Variants in ADAMTSL1 observed in about 807,000 individuals in gnomAD.
ADAMTSL1 encodes ADAMTS like 1, also known as ADAMTS-like protein 1.
ADAMTSL1 carries 126 observed loss-of-function variants against 201.8 expected under a neutral mutation model. That is an observed-to-expected ratio of 0.62 (90% CI 0.54 to 0.72). The LOEUF (loss-of-function observed/expected upper bound fraction) is 0.72, where lower values mean the gene tolerates loss of function less well. Among genes scored for constraint, ADAMTSL1 ranks in the 30% least tolerant of loss-of-function variants. ADAMTSL1 has a pLI of 0.00. For synonymous variants in ADAMTSL1, 1,121 were observed against 903.4 expected (o/e 1.24, Z -4.32); for missense variants, 2,679 against 2,277.8 (o/e 1.18, Z -3.59).
intron 2 of ADAMTSL1, among the ~76,000 whole-genome samples, chr9:18,466,704 T>C (rs189314809): frequency 6.6e-6 from 1 of 152,240 alleles, no homozygotes; most frequent in East Asian, 1.9e-4. Context: ...TTTTTATATT[T>C]ATTTCATAGA....
intron 21 of ADAMTSL1, among the ~76,000 whole-genome samples, chr9:18,825,030 G>T (rs904151111): frequency 2.6e-5 from 4 of 152,096 alleles, no homozygotes; most frequent in African/African-American, 9.7e-5. Context: ...CTGGATACAT[G>T]CCAGTGAGTT....
chr9:17,929,704 T>C (rs1826701126), intron 1 of ADAMTSL1, among the ~76,000 whole-genome samples: 1 of 152,230 alleles, frequency 6.6e-6, no homozygotes, highest in African/African-American at 2.4e-5. Context: ...AATTACTTTA[T>C]GTTCATCTGT....
intron 4 of ADAMTSL1, among the ~76,000 whole-genome samples, chr9:18,617,735 T>C (rs568530834): frequency 6.6e-6 from 1 of 152,240 alleles, no homozygotes; most frequent in African/African-American, 2.4e-5. Context: ...ATGAAAACAC[T>C]ATTAATTTGG....
chr9:18,535,940 G>A (rs1819745045), intron 3 of ADAMTSL1, among the ~76,000 whole-genome samples: 1 of 151,866 alleles, frequency 6.6e-6, no homozygotes, highest in Non-Finnish European at 1.5e-5. Context: ...ATTTGGGTGG[G>A]GACACAGCCA....
chr9:18,267,981 AT>A (rs1380195668), intron 2 of ADAMTSL1, among the ~76,000 whole-genome samples: 5 of 152,188 alleles, frequency 3.3e-5, no homozygotes, highest in African/African-American at 1.2e-4. Flanking sequence ...TAAGGTACAG[AT>A]TTAAAAAATT....
At chr9:18,901,301 G>A (rs1390717548) in intron 26 of ADAMTSL1, among the ~76,000 whole-genome samples, 2 of 152,150 alleles carry the variant, frequency 1.3e-5, no homozygotes, top group Non-Finnish European at 2.9e-5. Context: ...ATTAAATGGA[G>A]TCCTTTGAGT....
At chr9:18,906,067 G>C (rs530295172) in intron 27 of ADAMTSL1, among the ~76,000 whole-genome samples, 176 bp downstream of exon 27, 11 of 152,310 alleles carry the variant, frequency 7.2e-5, no homozygotes, top group Middle Eastern at 3.4e-3. Context: ...CTCAGTGTCG[G>C]TCTTGTGCTT....
chr9:18,598,563 G>A (rs1482789108), intron 4 of ADAMTSL1, among the ~76,000 whole-genome samples: 1 of 151,756 alleles, frequency 6.6e-6, no homozygotes, highest in Non-Finnish European at 1.5e-5. Context: ...CCTCCCTTGT[G>A]GCCAGATGAT....
chr9:18,318,740 A>G (rs1307429843), intron 2 of ADAMTSL1, among the ~76,000 whole-genome samples: 3 of 151,422 alleles, frequency 2.0e-5, no homozygotes, highest in Admixed American at 6.6e-5. Flanking sequence ...TTTTTCAAAT[A>G]TGGTTTTAGG....
intron 1 of ADAMTSL1, among the ~76,000 whole-genome samples, chr9:18,096,132 C>A (rs1478360220): frequency 6.6e-6 from 1 of 152,186 alleles, no homozygotes. Context: ...AGTATTACCA[C>A]TCCCATATAA....
At chr9:18,313,007 C>T (rs1285779836) in intron 2 of ADAMTSL1, among the ~76,000 whole-genome samples, 1 of 152,180 alleles carries the variant, frequency 6.6e-6, no homozygotes, top group East Asian at 1.9e-4. Flanking sequence ...AAAGGTTCTT[C>T]TTTTATACAG....
chr9:18,249,213 T>C (rs1041429144), intron 2 of ADAMTSL1, among the ~76,000 whole-genome samples: 1 of 152,166 alleles, frequency 6.6e-6, no homozygotes, highest in Non-Finnish European at 1.5e-5. Context: ...AAAATAGAAA[T>C]GATGGAGTAT....
intron 2 of ADAMTSL1, among the ~76,000 whole-genome samples, chr9:18,411,241 G>C (rs1288802474): frequency 1.3e-5 from 2 of 151,308 alleles, no homozygotes; most frequent in Admixed American, 1.3e-4. Flanking sequence ...CTGTTGCCCA[G>C]GTTGGAGTGC....
At chr9:18,626,909 TTTC>T (rs1184887794) in intron 5 of ADAMTSL1, among the ~76,000 whole-genome samples, 54 of 150,648 alleles carry the variant, frequency 3.6e-4, no homozygotes, top group African/African-American at 1.1e-3. Context: ...CTTTCTTTCT[TTTC>T]TTTTTTTCTT....
chr9:18,214,200 A>G (rs905168491), intron 2 of ADAMTSL1, among the ~76,000 whole-genome samples: 4 of 152,178 alleles, frequency 2.6e-5, no homozygotes, highest in African/African-American at 9.7e-5. Flanking sequence ...CTCTCCATCA[A>G]TAAACCCAGA....
intron 2 of ADAMTSL1, among the ~76,000 whole-genome samples, chr9:18,250,188 A>C (rs559900432): frequency 6.6e-6 from 1 of 152,328 alleles, no homozygotes; most frequent in African/African-American, 2.4e-5. Flanking sequence ...CCTGCCCTCC[A>C]GTCATTCTAT....
intron 1 of ADAMTSL1, among the ~76,000 whole-genome samples, chr9:17,958,319 A>G (rs1304182381): frequency 6.6e-6 from 1 of 152,196 alleles, no homozygotes; most frequent in African/African-American, 2.4e-5. Flanking sequence ...TTTCCACTAG[A>G]CACTGAGATG....
chr9:17,972,765 T>G (rs1818264746), intron 1 of ADAMTSL1, among the ~76,000 whole-genome samples: 1 of 147,088 alleles, frequency 6.8e-6, no homozygotes, highest in African/African-American at 2.5e-5. Flanking sequence ...GTTGAACTAG[T>G]TTATAGTCCC....
chr9:18,374,382 A>G (rs1837192265), intron 2 of ADAMTSL1, among the ~76,000 whole-genome samples: 1 of 151,388 alleles, frequency 6.6e-6, no homozygotes. Context: ...TCACCCAGCA[A>G]TTGTACAGTG....
Sources: gnomAD v4.1 joint callset for allele counts (sites outside exome capture counted in the v4.1 genomes callset) on GRCh38, gnomAD v4.1.1 for gene constraint, MANE v1.5 for transcripts, NCBI Gene and HGNC (gene_info 2026-07-23, HGNC 2026-07-21) for gene names.